The following E2F8 variants were observed in gnomAD, a reference collection of about 807,000 sequenced individuals.
The protein encoded by E2F8 is E2F transcription factor 8, also known as transcription factor E2F8.
Under a neutral mutation model 80.8 loss-of-function variants are expected in E2F8, and 35 were observed. The ratio of observed to expected loss-of-function variants is 0.43; its 90% CI spans 0.33 to 0.57. The LOEUF is 0.57. E2F8 is among the 20% of genes least tolerant of loss of function. The pLI is 0.04. For synonymous variants in E2F8, 386 were observed against 395.0 expected (o/e 0.98, Z 0.27); for missense variants, 975 against 1,056.2 (o/e 0.92, Z 1.07).
At chr11:19,231,261 T>C (rs1195278064) in intron 7 of E2F8, among the ~76,000 whole-genome samples, 2 of 152,192 alleles carry the variant, frequency 1.3e-5, no homozygotes, top group Admixed American at 1.3e-4. Flanking sequence ...ATTAACCTAC[T>C]GGCTCAAGGT....
chr11:19,238,604 C>G (rs1338848092), intron 2 of E2F8, among the ~76,000 whole-genome samples: 1 of 152,190 alleles, frequency 6.6e-6, no homozygotes, highest in African/African-American at 2.4e-5. Context: ...TCTTATCCAC[C>G]TAGCATAATG....
chr11:19,230,762 T>G lies in E2F8; in HGVS notation c.1139A>C (p.Lys380Thr), dbSNP rs1485776821. Residue 380 changes from lysine (K) to threonine (T), a missense_variant, in exon 8 of 13, where the codon AAA becomes ACA. Coordinates refer to ENST00000250024, the MANE Select transcript of E2F8 (RefSeq NM_024680.4). The part of the protein sequence containing the change: ...VRRSSKENCA[K>T]NLFSTRGKPN... ...TTTCCCACGTGTGGAAAAGAGGTTT[T>G]TGGCACAGTTCTCTTTTGAAGACCG... The G allele has an allele frequency of 1.2e-6, 2 of 1,614,202 alleles. No homozygotes were observed. The highest frequency in any genetic ancestry group is 1.1e-5 in the South Asian group (1 of 91,076).
chr11:19,237,767 A>C, intron 3 of E2F8, 87 bp downstream of exon 3: 1 of 1,506,452 alleles, frequency 6.6e-7, no homozygotes. Flanking sequence ...GTGATGCTTT[A>C]AATTGCTGGC....
In E2F8 at chr11:19,234,886, C is replaced by T. The variant is rs369862489; in HGVS notation, c.624G>A (p.Met208Ile). The change falls in exon 5 of 13, where the codon ATG (methionine) becomes ATA (isoleucine). Residue 208 changes from methionine to isoleucine, a missense_variant. Met to Ile is a conservative substitution (Grantham distance 10). Coordinates refer to ENST00000250024, the MANE Select transcript of E2F8 (RefSeq NM_024680.4). The part of the protein sequence containing the change: ...EENKYAEQIM[M>I]IKKKEYEQEF... ...CTTGCTCATATTCTTTCTTTTTGAT[C>T]ATCATAATCTGCTCGGCGTACTTAT... 6.2e-7 allele frequency: 1 copy of T among 1,614,170 alleles called. No individual in the cohort carries two copies. The highest frequency in any genetic ancestry group is 1.1e-5 in the South Asian group (1 of 91,076).
Position 19,231,621 on chromosome 11 carries a change from T to C in E2F8, c.1066+613A>G, listed in dbSNP as rs1170238807. Among the ~76,000 whole-genome samples, 5 of 152,344 alleles carry C rather than the reference T, an allele frequency of 3.3e-5. No homozygotes were observed. In the East Asian group the frequency reaches 9.7e-4, roughly 29 times the overall value. On this transcript the variant is annotated intron_variant, in intron 7 of 12. Coordinates refer to ENST00000250024, the MANE Select transcript of E2F8 (RefSeq NM_024680.4). ...AGTTAAGATGAAGGCTAGAAATATCTACTTTGATACCAGAGTGAACTCATT... is the reference window on the plus strand; with the variant it reads ...AGTTAAGATGAAGGCTAGAAATATCCACTTTGATACCAGAGTGAACTCATT...
At chr11:19,225,195 A>G (rs1338494698) in intron 12 of E2F8, 26 bp downstream of exon 12, 2 of 1,596,076 alleles carry the variant, frequency 1.3e-6, no homozygotes, top group South Asian at 2.3e-5. Flanking sequence ...TCCAGGAAAA[A>G]TTAAATTAAG....
Position 19,238,163 on chromosome 11 carries a change from A to G in E2F8, c.16-31T>C, listed in dbSNP as rs995304335. Reference sequence around the variant, plus strand: ...TTAAAAAATGTAAATAATTAAATCCATGGTAAAACAGGATTTATCAGACAG... The same window carrying G: ...TTAAAAAATGTAAATAATTAAATCCGTGGTAAAACAGGATTTATCAGACAG... On this transcript the variant is annotated intron_variant, in intron 2 of 12. Transcript: ENST00000250024. The G allele has an allele frequency of 3.2e-6, 5 of 1,575,730 alleles. No individual in the cohort carries two copies. In the African/African-American group the frequency reaches 6.8e-5, roughly 22 times the overall value.
intron 2 of E2F8, among the ~76,000 whole-genome samples, chr11:19,239,883 T>C (rs896583360): frequency 2.2e-4 from 33 of 151,128 alleles, no homozygotes; most frequent in Middle Eastern, 3.4e-3. Context: ...AATTTCTTTT[T>C]AAGATAATTT....
intron 6 of E2F8, among the ~76,000 whole-genome samples, 176 bp from the exon 7 acceptor site, chr11:19,232,547 T>G (rs1851409787): frequency 6.6e-6 from 1 of 152,194 alleles, no homozygotes; most frequent in African/African-American, 2.4e-5. Flanking sequence ...GATAAAAAAG[T>G]TTTAAATATT....
Position 19,224,818 on chromosome 11 carries a change from C to A in E2F8, c.2444G>T (p.Gly815Val). ...AQQPVPVTPK[G>V]SQLVAESFFR... ...GAAACTTTCGGCCACTAATTGTGAC[C>A]CTTTGGGTGTCACAGGAACAGGCTG... The change falls in exon 13 of 13, where the codon GGG (glycine) becomes GTG (valine). Residue 815 changes from glycine (G) to valine (V), a missense_variant. By Grantham distance (109) the Gly-to-Val change is moderately radical. Transcript: ENST00000250024. The A allele has an allele frequency of 1.9e-6, 3 of 1,614,088 alleles. No homozygotes were observed. The highest frequency in any genetic ancestry group is 2.5e-6 in the Non-Finnish European group (3 of 1,180,028).
chr11:19,235,711 T>C (rs549552753), intron 4 of E2F8, among the ~76,000 whole-genome samples: 4 of 149,840 alleles, frequency 2.7e-5, no homozygotes, highest in South Asian at 4.2e-4. Flanking sequence ...ACCAGCTAAG[T>C]AGCTCACCCC....
At position 19,229,536 on chromosome 11, in the gene E2F8, G is replaced by A; in HGVS notation, c.1811C>T (p.Ser604Leu). 1 of 1,614,176 alleles carries A rather than the reference G, an allele frequency of 6.2e-7. No individual in the cohort carries two copies. Among genetic ancestry groups the A allele is most frequent in the South Asian group, 1.1e-5 (1 of 91,084 alleles). ...RTREPAGERG[S>L]KRASMLEDSG... ...GTCCTCGAGCATGCTTGCCCTCTTTGAGCCTCTTTCTCCAGCTGGCTCCCT... is the reference window on the plus strand; with the variant it reads ...GTCCTCGAGCATGCTTGCCCTCTTTAAGCCTCTTTCTCCAGCTGGCTCCCT... The change falls in exon 10 of 13, where the codon TCA (serine) becomes TTA (leucine). Residue 604 changes from serine to leucine, a missense_variant. Coordinates refer to ENST00000250024, the MANE Select transcript of E2F8 (RefSeq NM_024680.4). This position sits in a 1 kb window ranked among gnomAD's most constrained non-coding sequence, Gnocchi z 4.3.
chr11:19,227,428 C>CT (rs767711637), intron 10 of E2F8, among the ~76,000 whole-genome samples: 157 of 152,282 alleles, frequency 1.0e-3, no homozygotes, highest in Non-Finnish European at 1.6e-3. Flanking sequence ...TTAACTCTTT[C>CT]AAGTCTTCAG....
At chr11:19,238,306 CA>C (rs1851576977) in intron 2 of E2F8, among the ~76,000 whole-genome samples, 174 bp from the exon 3 acceptor site, 1 of 152,166 alleles carries the variant, frequency 6.6e-6, no homozygotes. Flanking sequence ...TGTGTATTGT[CA>C]ATTCTAATAA....
chr11:19,225,911 GAA>G, intron 10 of E2F8, 47 bp from the exon 11 acceptor site: 1 of 1,584,268 alleles, frequency 6.3e-7, no homozygotes, highest in Non-Finnish European at 8.6e-7. Context: ...AATACAGGAA[GAA>G]AAATGGCCAC....
At chr11:19,228,076 C>A (rs1262373521) in intron 10 of E2F8, among the ~76,000 whole-genome samples, 2 of 152,008 alleles carry the variant, frequency 1.3e-5, no homozygotes, top group Non-Finnish European at 2.9e-5. Context: ...CAGAGTAAGA[C>A]CCTGTCTCAA....
chr11:19,237,783 T>C, intron 3 of E2F8, 71 bp downstream of exon 3: 1 of 1,536,878 alleles, frequency 6.5e-7, no homozygotes, highest in South Asian at 1.3e-5. Context: ...CTGGCACTTC[T>C]CTAATAGCTA....
intron 2 of E2F8, among the ~76,000 whole-genome samples, chr11:19,238,553 C>G (rs1851582619): frequency 6.6e-6 from 1 of 152,220 alleles, no homozygotes; most frequent in Admixed American, 6.5e-5. Flanking sequence ...CTTTTGTTTA[C>G]TCATGGCACT....
rs778301734 is a variant in E2F8 at position 19,232,362 on chromosome 11, C to T, written c.938G>A (p.Arg313Lys). 6.2e-7 allele frequency: 1 copy of T among 1,610,486 alleles called. No individual in the cohort carries two copies. ...LDKSKFKTKIRRLYDIANVLS... is the reference protein window; with the variant it reads ...LDKSKFKTKIKRLYDIANVLS... ...AACATTAGCTATATCATACAACCTCCTAATTTTTGCTGGGAAAAAAAGTAT... is the reference window on the plus strand; with the variant it reads ...AACATTAGCTATATCATACAACCTCTTAATTTTTGCTGGGAAAAAAAGTAT... Residue 313 changes from arginine to lysine, a missense_variant, in exon 7 of 13, where the codon AGG becomes AAG. Coordinates refer to ENST00000250024, the MANE Select transcript of E2F8 (RefSeq NM_024680.4).
Sources: allele counts gnomAD v4.1 joint callset (sites outside exome capture counted in the v4.1 genomes callset), GRCh38; gene constraint gnomAD v4.1.1; non-coding constraint Gnocchi (gnomAD v3.1); transcripts MANE v1.5; gene names NCBI Gene and HGNC (gene_info 2026-07-23, HGNC 2026-07-21).